Variants in RHOQ observed in about 807,000 individuals in gnomAD.
The protein encoded by RHOQ is rho-related GTP-binding protein RhoQ.
In RHOQ, 7 loss-of-function variants were observed where a neutral mutation model predicts 25.8. That is an observed-to-expected ratio of 0.27 (90% CI 0.15 to 0.51). The LOEUF is 0.51. RHOQ is among the 20% of genes least tolerant of loss of function. The probability of loss-of-function intolerance (pLI) is 0.97; values close to 1 mark genes in which losing one functional copy is unlikely to be tolerated. For synonymous variants in RHOQ, 97 were observed against 98.6 expected (o/e 0.98, Z 0.10); for missense variants, 165 against 260.6 (o/e 0.63, Z 2.53).
At position 46,552,927 on chromosome 2, in the gene RHOQ, C is replaced by T. The variant is rs561398889; in HGVS notation, c.201+9115C>T. The stretch of plus-strand genomic sequence containing the variant: ...GAGTTAAGTTGAGTAAGGTTGTTTC[C>T]ACGAAAGTTGTTTTTTAGCTGGAGA... On this transcript the variant is annotated intron_variant, in intron 2 of 4. Transcript: ENST00000238738. The surrounding 1 kb of genome is among the most constrained non-coding windows in gnomAD (Gnocchi z 5.0). 6.6e-6 allele frequency among the ~76,000 whole-genome samples: 1 copy of T among 152,240 alleles called. No homozygotes were observed. Among genetic ancestry groups the T allele is most frequent in the African/African-American group, 2.4e-5 (1 of 41,530 alleles).
rs1271193047 is a variant in RHOQ, at chr2:46,556,035, C to T, written c.201+12223C>T. 6.6e-6 allele frequency among the ~76,000 whole-genome samples: 1 copy of T among 152,020 alleles called. No homozygotes were observed. The stretch of plus-strand genomic sequence containing the variant: ...CACTTTCATCACCCCAGAACGAAAC[C>T]CCATACCCACCGACAGTCACTCCCC... On this transcript the variant is annotated intron_variant, in intron 2 of 4. Transcript: ENST00000238738. This position sits in a 1 kb window ranked among gnomAD's most constrained non-coding sequence, Gnocchi z 4.9.
chr2:46,559,241 C>A (rs1033565254), intron 2 of RHOQ, among the ~76,000 whole-genome samples: 12 of 152,178 alleles, frequency 7.9e-5, no homozygotes, highest in Non-Finnish European at 1.2e-4. Flanking sequence ...AGTGATCCAC[C>A]TGCCTCGGCC....
intron 2 of RHOQ, among the ~76,000 whole-genome samples, chr2:46,570,616 G>A (rs1368995633): frequency 1.3e-5 from 2 of 152,184 alleles, no homozygotes; most frequent in African/African-American, 4.8e-5. Context: ...AGGGTGGAGG[G>A]TTTCAAGAGC....
intron 2 of RHOQ, among the ~76,000 whole-genome samples, chr2:46,565,290 G>C (rs1329746758): frequency 6.6e-6 from 1 of 151,864 alleles, no homozygotes; most frequent in Non-Finnish European, 1.5e-5. Flanking sequence ...AGTGTAGAAG[G>C]GGTGGTGGGT....
rs560138961 is a variant in RHOQ, at chr2:46,558,387, A to C, written c.201+14575A>C. 8.5e-5 allele frequency among the ~76,000 whole-genome samples: 13 copies of C among 152,352 alleles called. No homozygotes were observed. The East Asian group carries it at 2.3e-3, about 27-fold the overall frequency. ...ACTTTTGGGATACCTAGTATGTTTG[A>C]AAATGTTTTTATTCCTTCATACCGG... On this transcript the variant is annotated intron_variant, in intron 2 of 4. Transcript: ENST00000238738.
rs1025400510 is a variant in RHOQ at position 46,576,337 on chromosome 2, G to T, written c.366+86G>T. The T allele has an allele frequency of 8.5e-7, 1 of 1,181,064 alleles. No homozygotes were observed. Among genetic ancestry groups the T allele is most frequent in the African/African-American group, 1.5e-5 (1 of 64,826 alleles). The allele number at this position is 1,181,064 out of a possible 1,614,324, so 73.2% of individuals were successfully genotyped here. On this transcript the variant is annotated intron_variant, in intron 3 of 4. Coordinates refer to ENST00000238738, the MANE Select transcript of RHOQ (RefSeq NM_012249.4). This position sits in a 1 kb window ranked among gnomAD's most constrained non-coding sequence, Gnocchi z 5.1. Reference sequence around the variant, plus strand: ...CTCTCAGACAAACAGTCCCAAAGCTGAGCAAATGATGTAAGTGTTTAATCT... The same window carrying T: ...CTCTCAGACAAACAGTCCCAAAGCTTAGCAAATGATGTAAGTGTTTAATCT...
At chr2:46,557,613 G>A (rs1322688193) in intron 2 of RHOQ, among the ~76,000 whole-genome samples, 1 of 152,026 alleles carries the variant, frequency 6.6e-6, no homozygotes, top group Non-Finnish European at 1.5e-5. Context: ...ATACTTTATT[G>A]TGTTCCCTAA....
intron 4 of RHOQ, among the ~76,000 whole-genome samples, chr2:46,577,982 C>T (rs1669195277): frequency 6.6e-6 from 1 of 151,982 alleles, no homozygotes. Flanking sequence ...AGTCATATAA[C>T]CTGAGATGGA....
At chr2:46,570,140 C>T (rs766374622) in intron 2 of RHOQ, among the ~76,000 whole-genome samples, 12 of 152,186 alleles carry the variant, frequency 7.9e-5, no homozygotes, top group African/African-American at 1.2e-4. Context: ...AATGACTGCA[C>T]AATAGAAATG....
At chr2:46,577,642 C>A (rs894203165) in intron 4 of RHOQ, among the ~76,000 whole-genome samples, 5 of 146,756 alleles carry the variant, frequency 3.4e-5, no homozygotes, top group African/African-American at 1.3e-4. Flanking sequence ...GTCTCGACCT[C>A]CTGGCCTCAT....
At position 46,581,566 on chromosome 2, in the gene RHOQ, C is replaced by T. The variant is rs889793758; in HGVS notation, c.*483C>T. On this transcript the variant is annotated 3_prime_UTR_variant, in exon 5 of 5. Coordinates refer to ENST00000238738, the MANE Select transcript of RHOQ (RefSeq NM_012249.4). Reference sequence around the variant, plus strand: ...GCCAGCCACGTAGCCAAAGGTCGCTCCAAGCGTACAGGAGATGGGCCATAC... The same window carrying T: ...GCCAGCCACGTAGCCAAAGGTCGCTTCAAGCGTACAGGAGATGGGCCATAC... 1 of 1,611,394 alleles carries T rather than the reference C, an allele frequency of 6.2e-7. No homozygotes were observed. Among genetic ancestry groups the T allele is most frequent in the Non-Finnish European group, 8.5e-7 (1 of 1,179,514 alleles).
chr2:46,574,880 T>C (rs1384174451), intron 2 of RHOQ, among the ~76,000 whole-genome samples: 2 of 152,244 alleles, frequency 1.3e-5, no homozygotes, highest in South Asian at 2.1e-4. Context: ...TAATATTCCC[T>C]TAGTTCCACA....
chr2:46,546,416 T>TTATA (rs376983227), intron 2 of RHOQ, among the ~76,000 whole-genome samples: 5 of 129,908 alleles, frequency 3.8e-5, no homozygotes, highest in African/African-American at 1.4e-4. Flanking sequence ...CATTAAGGGT[T>TTATA]TATATATATA....
intron 2 of RHOQ, among the ~76,000 whole-genome samples, chr2:46,549,833 C>T (rs904774398): frequency 2.6e-5 from 4 of 152,108 alleles, no homozygotes; most frequent in Non-Finnish European, 4.4e-5. Flanking sequence ...CTCCTGGATG[C>T]GTTCTTGCTC....
In RHOQ at chr2:46,576,297, C is replaced by T. The variant is rs1485029045; in HGVS notation, c.366+46C>T. ...TGCATTTTAGAATAAGCTCTTTGGTCTGTCGTAGAGGCTGCTCTCAGACAA... is the reference window on the plus strand; with the variant it reads ...TGCATTTTAGAATAAGCTCTTTGGTTTGTCGTAGAGGCTGCTCTCAGACAA... On this transcript the variant is annotated intron_variant, in intron 3 of 4. Transcript: ENST00000238738. This position sits in a 1 kb window ranked among gnomAD's most constrained non-coding sequence, Gnocchi z 5.1. The T allele has an allele frequency of 2.0e-6, 3 of 1,509,716 alleles. No homozygotes were observed. The highest frequency in any genetic ancestry group is 2.7e-6 in the Non-Finnish European group (3 of 1,097,198). The allele number at this position is 1,509,716 out of a possible 1,614,324, so 93.5% of individuals were successfully genotyped here.
Position 46,576,988 on chromosome 2 carries a change from A to G in RHOQ, c.462+332A>G. The G allele has an allele frequency of 5.2e-6, 1 of 191,708 alleles. No individual in the cohort carries two copies. 11.9% of individuals were successfully genotyped at this position (191,708 alleles called of 1,614,324 possible). A position where few individuals can be genotyped will look rare whatever the true frequency, so the allele number is the denominator to read the frequency against. ...ATTTTCCTAAAAAGTCACATATGGA[A>G]AAAAGCATCGGAAACACGTGTCACT... On this transcript the variant is annotated intron_variant, in intron 4 of 4. Transcript: ENST00000238738. This position sits in a 1 kb window ranked among gnomAD's most constrained non-coding sequence, Gnocchi z 5.1.
intron 2 of RHOQ, among the ~76,000 whole-genome samples, chr2:46,574,298 G>A (rs765495217): frequency 2.6e-4 from 40 of 151,768 alleles, no homozygotes; most frequent in South Asian, 1.0e-3. Context: ...TCAGAAGTGT[G>A]GAGTTGCTGG....
intron 2 of RHOQ, among the ~76,000 whole-genome samples, chr2:46,564,595 T>A (rs1029541222): frequency 3.3e-5 from 5 of 152,196 alleles, no homozygotes; most frequent in Non-Finnish European, 7.3e-5. Flanking sequence ...GGTTTGTTGG[T>A]CATGGCTTAA....
At chr2:46,561,706 T>C (rs1016118621) in intron 2 of RHOQ, among the ~76,000 whole-genome samples, 1 of 152,208 alleles carries the variant, frequency 6.6e-6, no homozygotes, top group African/African-American at 2.4e-5. Flanking sequence ...GGCTCTTGGC[T>C]CTTGTATTCA....
Sources: gnomAD v4.1 joint callset for allele counts (sites outside exome capture counted in the v4.1 genomes callset) on GRCh38, gnomAD v4.1.1 for gene constraint, Gnocchi (gnomAD v3.1) non-coding constraint, MANE v1.5 for transcripts, NCBI Gene and HGNC (gene_info 2026-07-23, HGNC 2026-07-21) for gene names.